Variants in SLIT1 observed in about 807,000 individuals in gnomAD.
The protein encoded by SLIT1 is slit guidance ligand 1, also known as slit homolog 1 protein.
SLIT1 carries 66 observed loss-of-function variants against 186.1 expected under a neutral mutation model. That is an observed-to-expected ratio of 0.35 (90% CI 0.29 to 0.44). SLIT1 has a LOEUF of 0.44. Among genes scored for constraint, SLIT1 ranks in the 20% least tolerant of loss-of-function variants. The probability of loss-of-function intolerance (pLI) is 1.00; values close to 1 mark genes in which losing one functional copy is unlikely to be tolerated. For synonymous variants in SLIT1, 761 were observed against 833.8 expected (o/e 0.91, Z 1.50); for missense variants, 1,638 against 2,037.4 (o/e 0.80, Z 3.77).
intron 1 of SLIT1, among the ~76,000 whole-genome samples, chr10:97,167,973 A>G (rs1850141833): frequency 2.0e-5 from 3 of 152,124 alleles, no homozygotes; most frequent in Admixed American, 6.5e-5. Context: ...TTTATGAATT[A>G]CCCAGTCTCG....
intron 4 of SLIT1, among the ~76,000 whole-genome samples, chr10:97,081,934 C>A (rs899781967): frequency 3.9e-5 from 6 of 152,212 alleles, no homozygotes; most frequent in African/African-American, 4.8e-5. Context: ...ACACATCAAA[C>A]CTTGTCTACT....
Position 97,004,939 on chromosome 10 carries a change from T to A in SLIT1, c.3580-116A>T. On this transcript the variant is annotated intron_variant, in intron 32 of 36. Coordinates refer to ENST00000266058, the MANE Select transcript of SLIT1 (RefSeq NM_003061.3). This position sits in a 1 kb window ranked among gnomAD's most constrained non-coding sequence, Gnocchi z 5.1. ...AAGAGAGATGCTCTGTGCAGAGCGC[T>A]CTTCCCCCACCTGGCCAGCCTCCCC... The A allele has an allele frequency of 1.6e-6, 2 of 1,259,292 alleles. No individual in the cohort carries two copies. Among genetic ancestry groups the A allele is most frequent in the Non-Finnish European group, 2.2e-6 (2 of 892,120 alleles). 78.0% of individuals were successfully genotyped at this position (1,259,292 alleles called of 1,614,324 possible).
At chr10:97,162,725 T>G (rs1207045894) in intron 3 of SLIT1, among the ~76,000 whole-genome samples, 1 of 152,106 alleles carries the variant, frequency 6.6e-6, no homozygotes, top group Non-Finnish European at 1.5e-5. Flanking sequence ...AGCATGAACA[T>G]TAGGACTCCT....
rs2134591068 is a variant in SLIT1 at position 97,010,029 on chromosome 10, C to T, written c.3341+964G>A. 6.6e-6 allele frequency among the ~76,000 whole-genome samples: 1 copy of T among 152,310 alleles called. No individual in the cohort carries two copies. The highest frequency in any genetic ancestry group is 2.1e-4 in the South Asian group (1 of 4,832). ...CTCAAACAGTTAAACATACAGTTAA[C>T]ATACGACTCAGAAAATCCACTCCTA... On this transcript the variant is annotated intron_variant, in intron 31 of 36. Transcript: ENST00000266058. The surrounding 1 kb of genome is among the most constrained non-coding windows in gnomAD (Gnocchi z 4.8).
At chr10:97,119,154 C>T (rs1157149051) in intron 4 of SLIT1, among the ~76,000 whole-genome samples, 1 of 152,176 alleles carries the variant, frequency 6.6e-6, no homozygotes, top group Non-Finnish European at 1.5e-5. Flanking sequence ...AAGAATTCTC[C>T]GTCCTCACCA....
At position 97,185,618 on chromosome 10, in the gene SLIT1, C is replaced by A; in HGVS notation, c.57G>T (p.Trp19Cys). 6.4e-7 allele frequency: 1 copy of A among 1,563,838 alleles called. No individual in the cohort carries two copies. Among genetic ancestry groups the A allele is most frequent in the Non-Finnish European group, 8.7e-7 (1 of 1,156,028 alleles). ...GCCACGCGGCTGCCCACAGCAGCAGCCAGAGCTCCGGCCGGACCGGCCCCG... is the reference window on the plus strand; with the variant it reads ...GCCACGCGGCTGCCCACAGCAGCAGACAGAGCTCCGGCCGGACCGGCCCCG... ...SSAGPVRPEL[W>C]LLLWAAAWRL... The change falls in exon 1 of 37, where the codon TGG (tryptophan) becomes TGT (cysteine). Residue 19 changes from tryptophan (W) to cysteine (C), a missense_variant. Physicochemically the swap from Trp to Cys is radical, Grantham distance 215. Around this residue, in one of 3 missense-constraint regions of SLIT1, gnomAD observed 1,245 missense variants for 1,535.3 expected, o/e 0.81. Transcript: ENST00000266058.
intron 4 of SLIT1, among the ~76,000 whole-genome samples, chr10:97,122,060 G>A (rs997670951): frequency 3.9e-5 from 6 of 152,192 alleles, no homozygotes; most frequent in South Asian, 2.1e-4. Flanking sequence ...ACAGAACCTC[G>A]ACTTGAAGCC....
chr10:97,079,172 T>C (rs1273719613), intron 4 of SLIT1, among the ~76,000 whole-genome samples: 1 of 152,178 alleles, frequency 6.6e-6, no homozygotes, highest in African/African-American at 2.4e-5. Context: ...TCTTGCTGAG[T>C]TGCGAGGATT....
At position 97,184,399 on chromosome 10, in the gene SLIT1, G is replaced by A. The variant is rs1281931775; in HGVS notation, c.197+1079C>T. On this transcript the variant is annotated intron_variant, in intron 1 of 36. Transcript: ENST00000266058. This position sits in a 1 kb window ranked among gnomAD's most constrained non-coding sequence, Gnocchi z 4.4. ...AATCTCCTGGTGTAGTCACCTCTGCGAGCAGTACAAAGGCCCTGCATGTGA... is the reference window on the plus strand; with the variant it reads ...AATCTCCTGGTGTAGTCACCTCTGCAAGCAGTACAAAGGCCCTGCATGTGA... Among the ~76,000 whole-genome samples, 3 of 151,852 alleles carry A rather than the reference G, an allele frequency of 2.0e-5. No individual in the cohort carries two copies. Among genetic ancestry groups the A allele is most frequent in the Admixed American group, 6.6e-5 (1 of 15,252 alleles).
chr10:97,057,971 T>TA (rs1293002753), intron 11 of SLIT1: 1 of 716,978 alleles, frequency 1.4e-6, no homozygotes, highest in Non-Finnish European at 2.6e-6. Flanking sequence ...TCAAGCTGAG[T>TA]AAAAAATCCT....
At chr10:97,099,688 G>A (rs771342573) in intron 4 of SLIT1, among the ~76,000 whole-genome samples, 2 of 152,186 alleles carry the variant, frequency 1.3e-5, no homozygotes, top group Non-Finnish European at 2.9e-5. Flanking sequence ...AATCCAGCTT[G>A]ATGGTCCCCT....
chr10:97,166,697 C>A (rs1310917547), intron 1 of SLIT1, among the ~76,000 whole-genome samples: 1 of 152,020 alleles, frequency 6.6e-6, no homozygotes, highest in South Asian at 2.1e-4. Flanking sequence ...AAAGAGCGAG[C>A]TTGATCTGGG....
rs189550472 is a variant in SLIT1 at position 97,075,401 on chromosome 10, G to C, written c.414-9315C>G. Among the ~76,000 whole-genome samples, 711 of 152,344 alleles carry C rather than the reference G, an allele frequency of 4.7e-3. 2 individuals are homozygous for C. Among genetic ancestry groups the C allele is most frequent in the Middle Eastern group, 0.014 (4 of 294 alleles). ...CCACACTTTAATAATTGCCTTTTGGGCTCTGTAGGGAGGAGGAGGGAGGGT... is the reference window on the plus strand; with the variant it reads ...CCACACTTTAATAATTGCCTTTTGGCCTCTGTAGGGAGGAGGAGGGAGGGT... On this transcript the variant is annotated intron_variant, in intron 4 of 36. Coordinates refer to ENST00000266058, the MANE Select transcript of SLIT1 (RefSeq NM_003061.3).
chr10:97,012,219 TTTAATG>T (rs1472060388), intron 30 of SLIT1, among the ~76,000 whole-genome samples: 1 of 152,178 alleles, frequency 6.6e-6, no homozygotes, highest in Non-Finnish European at 1.5e-5. Context: ...TGTTTCATCT[TTTAATG>T]TTAATCTTGA....
intron 35 of SLIT1, 147 bp from the exon 36 acceptor site, chr10:97,002,516 G>T: frequency 1.4e-6 from 1 of 710,684 alleles, no homozygotes; most frequent in Non-Finnish European, 2.2e-6. Flanking sequence ...AAAGGGAGTT[G>T]CATGCGACTA....
chr10:97,155,268 G>A (rs1389587670), intron 4 of SLIT1: 4 of 152,374 alleles, frequency 2.6e-5, no homozygotes, highest in Admixed American at 2.6e-4. Flanking sequence ...CCTGACCCTT[G>A]ACTTTCTGCT....
At chr10:97,093,084 G>T (rs1849250037) in intron 4 of SLIT1, among the ~76,000 whole-genome samples, 1 of 152,194 alleles carries the variant, frequency 6.6e-6, no homozygotes, top group African/African-American at 2.4e-5. Flanking sequence ...TGGATTCACT[G>T]GAGAAGCAAC....
intron 4 of SLIT1, among the ~76,000 whole-genome samples, chr10:97,127,552 G>C (rs1849615804): frequency 1.3e-5 from 2 of 152,176 alleles, no homozygotes; most frequent in Admixed American, 1.3e-4. Flanking sequence ...AGCCTGACTA[G>C]CAAGGACCTC....
At position 97,043,630 on chromosome 10, in the gene SLIT1, C is replaced by T; in HGVS notation, c.1854-117G>A. The T allele has an allele frequency of 9.7e-7, 1 of 1,026,920 alleles. No individual in the cohort carries two copies. The highest frequency in any genetic ancestry group is 1.4e-6 in the Non-Finnish European group (1 of 698,570). 63.6% of individuals were successfully genotyped at this position (1,026,920 alleles called of 1,614,324 possible). On this transcript the variant is annotated intron_variant, in intron 18 of 36. Transcript: ENST00000266058. This position sits in a 1 kb window ranked among gnomAD's most constrained non-coding sequence, Gnocchi z 7.0. ...ACAGTTCTCCTCCATAGGCTGCGAG[C>T]CGCAGAGCCAGGAACACGCACCAGC...
Sources: gnomAD v4.1 joint callset for allele counts (sites outside exome capture counted in the v4.1 genomes callset) on GRCh38, gnomAD v4.1.1 for gene constraint, gnomAD v4.1.1 regional missense constraint, Gnocchi (gnomAD v3.1) non-coding constraint, MANE v1.5 for transcripts, NCBI Gene and HGNC (gene_info 2026-07-23, HGNC 2026-07-21) for gene names.